SPIRE2: variants seen among roughly 807,000 people sequenced by gnomAD.
SPIRE2 encodes the protein protein spire homolog 2.
A neutral mutation model predicts 80.7 loss-of-function variants in SPIRE2; 76 were observed. The observed-to-expected ratio is 0.94, with a 90% confidence interval of 0.78 to 1.14. The LOEUF is 1.14. Among genes scored for constraint, SPIRE2 ranks in the 50% most tolerant of loss-of-function variants. The pLI is 0.00. For missense variants in SPIRE2, 1,196 were observed against 1,015.3 expected (o/e 1.18, Z -2.42); for synonymous variants, 535 against 432.6 (o/e 1.24, Z -2.94).
chr16:89,829,366 C>T (rs2041357805), intron 1 of SPIRE2, among the ~76,000 whole-genome samples: 1 of 152,182 alleles, frequency 6.6e-6, no homozygotes, highest in South Asian at 2.1e-4. Context: ...CAATTAAGCC[C>T]TAGAAAGATA....
intron 12 of SPIRE2, among the ~76,000 whole-genome samples, chr16:89,865,132 G>A (rs373356227): frequency 2.0e-5 from 3 of 149,282 alleles, no homozygotes; most frequent in South Asian, 4.3e-4. Flanking sequence ...TCAGCTTCCC[G>A]AGTAGCTGGG....
chr16:89,829,213 T>A (rs1180183660), intron 1 of SPIRE2, among the ~76,000 whole-genome samples: 1 of 152,162 alleles, frequency 6.6e-6, no homozygotes, highest in Non-Finnish European at 1.5e-5. Context: ...CATTTTCTCC[T>A]GGGTGGAAGG....
At position 89,858,468 on chromosome 16, in the gene SPIRE2, G is replaced by T. The variant is rs774234787; in HGVS notation, c.1233G>T (p.Ala411=). 1.2e-6 allele frequency: 2 copies of T among 1,605,824 alleles called. No individual in the cohort carries two copies. Among genetic ancestry groups the T allele is most frequent in the Non-Finnish European group, 1.7e-6 (2 of 1,177,234 alleles). The change falls in exon 8 of 15, where the codon GCG becomes GCT. Residue 411 remains alanine (A), a synonymous_variant. Transcript: ENST00000378247. The part of the protein sequence containing the change: ...QRPRPRVLLK[A]PTLAEMEEMN... ...CGCGGCCCCGCGTGCTGCTCAAGGC[G>T]CCTACCTTGGCTGAAATGGAAGAGA...
chr16:89,867,954 C>T (rs1428922632), intron 12 of SPIRE2, among the ~76,000 whole-genome samples: 2 of 152,198 alleles, frequency 1.3e-5, no homozygotes, highest in Non-Finnish European at 2.9e-5. Flanking sequence ...CAGGAGAAAA[C>T]TCCTGGAGCC....
intron 7 of SPIRE2, among the ~76,000 whole-genome samples, chr16:89,856,772 T>C (rs1194689209): frequency 6.6e-6 from 1 of 151,756 alleles, no homozygotes; most frequent in Non-Finnish European, 1.5e-5. Context: ...AAATAAAAAA[T>C]GATGAGGCTG....
intron 13 of SPIRE2, among the ~76,000 whole-genome samples, chr16:89,868,894 G>T (rs953447979): frequency 6.6e-6 from 1 of 150,826 alleles, no homozygotes. Context: ...AGCCAGGCGC[G>T]GTGGCTCATG....
chr16:89,837,625 C>T (rs997583810), intron 1 of SPIRE2, among the ~76,000 whole-genome samples: 3 of 152,278 alleles, frequency 2.0e-5, no homozygotes, highest in African/African-American at 4.8e-5. Context: ...AGCGGAGAAG[C>T]GGGGGATCAG....
chr16:89,865,112 T>G (rs1180246013), intron 12 of SPIRE2, among the ~76,000 whole-genome samples: 2 of 149,524 alleles, frequency 1.3e-5, no homozygotes, highest in Non-Finnish European at 3.0e-5. Flanking sequence ...GTTCCCACCA[T>G]TCTCCTGCCT....
chr16:89,832,510 A>G (rs2041395720), intron 1 of SPIRE2, among the ~76,000 whole-genome samples: 2 of 152,016 alleles, frequency 1.3e-5, no homozygotes, highest in Non-Finnish European at 2.9e-5. Flanking sequence ...GGAAGCCAGG[A>G]CACTTCTGCT....
In SPIRE2 at chr16:89,856,098, G is replaced by A. The variant is rs766100345; in HGVS notation, c.979-15G>A. ...GTCCTGCTTCCCCACCGCAGGTCTCGCTTCCCCACCGCAGGTCTCTGAGAG... is the reference window on the plus strand; with the variant it reads ...GTCCTGCTTCCCCACCGCAGGTCTCACTTCCCCACCGCAGGTCTCTGAGAG... On this transcript the variant is annotated splice_polypyrimidine_tract_variant and intron_variant, in intron 6 of 14. Coordinates refer to ENST00000378247, the MANE Select transcript of SPIRE2 (RefSeq NM_032451.2). 25 of 1,609,644 alleles carry A rather than the reference G, an allele frequency of 1.6e-5. No individual in the cohort carries two copies. Among genetic ancestry groups the A allele is most frequent in the Middle Eastern group, 1.9e-4 (1 of 5,210 alleles).
intron 10 of SPIRE2, chr16:89,862,391 C>T (rs754458045): frequency 7.2e-5 from 11 of 152,276 alleles, no homozygotes; most frequent in Non-Finnish European, 1.3e-4. Context: ...TTAAGATGAC[C>T]ACAGGTCACA....
rs1423312568 is a variant in SPIRE2 at position 89,859,240 on chromosome 16, C to G, written c.1348C>G (p.Arg450Gly). 8 of 1,608,880 alleles carry G rather than the reference C, an allele frequency of 5.0e-6. No homozygotes were observed. Among genetic ancestry groups the G allele is most frequent in the Non-Finnish European group, 6.8e-6 (8 of 1,178,400 alleles). The change falls in exon 9 of 15, where the codon CGA becomes GGA. Residue 450 changes from arginine (R) to glycine (G), a missense_variant. Coordinates refer to ENST00000378247, the MANE Select transcript of SPIRE2 (RefSeq NM_032451.2). Reference protein sequence around the residue: ...SFSEHDLAQLRSEVASGLQSA... With the variant: ...SFSEHDLAQLGSEVASGLQSA... Reference sequence around the variant, plus strand: ...CTCAGAGCATGACCTGGCCCAGCTCCGAAGTGAGGTGGCCTCTGGCCTGCA... The same window carrying G: ...CTCAGAGCATGACCTGGCCCAGCTCGGAAGTGAGGTGGCCTCTGGCCTGCA...
chr16:89,866,102 C>T (rs146377117), intron 12 of SPIRE2, among the ~76,000 whole-genome samples: 7 of 150,780 alleles, frequency 4.6e-5, no homozygotes, highest in Admixed American at 2.0e-4. Flanking sequence ...TGAGCTATGA[C>T]GGTGTCACTG....
chr16:89,868,029 G>A (rs1407769964), intron 12 of SPIRE2, among the ~76,000 whole-genome samples, 160 bp from the exon 13 acceptor site: 1 of 152,204 alleles, frequency 6.6e-6, no homozygotes, highest in African/African-American at 2.4e-5. Context: ...ATAAAGAAAA[G>A]CAAGATTTTG....
chr16:89,867,583 C>A (rs1435208007), intron 12 of SPIRE2, among the ~76,000 whole-genome samples: 1 of 140,666 alleles, frequency 7.1e-6, no homozygotes, highest in East Asian at 2.0e-4. Flanking sequence ...GGACTTTTAC[C>A]ACCATTTTTT....
At chr16:89,837,253 C>T (rs1387296998) in intron 1 of SPIRE2, among the ~76,000 whole-genome samples, 2 of 152,142 alleles carry the variant, frequency 1.3e-5, no homozygotes, top group Non-Finnish European at 2.9e-5. Flanking sequence ...TGGTCTGCTG[C>T]TGCAGGAGTG....
chr16:89,867,040 G>A (rs1274177867), intron 12 of SPIRE2, among the ~76,000 whole-genome samples: 1 of 152,050 alleles, frequency 6.6e-6, no homozygotes, highest in Non-Finnish European at 1.5e-5. Context: ...ATGGTGAGTA[G>A]TGTCAGGTAC....
chr16:89,829,254 C>G (rs1398412101), intron 1 of SPIRE2, among the ~76,000 whole-genome samples: 1 of 152,242 alleles, frequency 6.6e-6, no homozygotes, highest in Admixed American at 6.5e-5. Flanking sequence ...GGCGTCTGAA[C>G]TGACACTAAA....
intron 1 of SPIRE2, among the ~76,000 whole-genome samples, chr16:89,831,392 T>C (rs1182728667): frequency 3.4e-5 from 5 of 148,426 alleles, no homozygotes; most frequent in Non-Finnish European, 7.5e-5. Flanking sequence ...ACTTTTTTTC[T>C]TTCTTTCTTT....
Sources: gnomAD v4.1 joint callset for allele counts (sites outside exome capture counted in the v4.1 genomes callset) on GRCh38, gnomAD v4.1.1 for gene constraint, MANE v1.5 for transcripts, NCBI Gene and HGNC (gene_info 2026-07-23, HGNC 2026-07-21) for gene names.